PREX1: variants seen among roughly 807,000 people sequenced by gnomAD.
The protein encoded by PREX1 is phosphatidylinositol-3,4,5-trisphosphate dependent Rac exchange factor 1.
A neutral mutation model predicts 198.3 loss-of-function variants in PREX1; 41 were observed. That is an observed-to-expected ratio of 0.21 (90% CI 0.16 to 0.27). The LOEUF is 0.27. PREX1 is among the 10% of genes least tolerant of loss of function. The pLI is 1.00. For missense variants in PREX1, 1,620 were observed against 2,200.7 expected (o/e 0.74, Z 5.28); for synonymous variants, 843 against 887.2 (o/e 0.95, Z 0.89).
intron 1 of PREX1, among the ~76,000 whole-genome samples, chr20:48,796,454 G>A (rs1439361865): frequency 6.6e-6 from 1 of 152,132 alleles, no homozygotes; most frequent in African/African-American, 2.4e-5. Flanking sequence ...CCCCACTTGT[G>A]TAACAAAAGG....
intron 5 of PREX1, among the ~76,000 whole-genome samples, chr20:48,720,914 G>A (rs749269634): frequency 6.6e-6 from 1 of 152,060 alleles, no homozygotes; most frequent in Non-Finnish European, 1.5e-5. Flanking sequence ...AGACACCAGC[G>A]GCCGTGCACA....
At chr20:48,657,217 G>C (rs760774157) in intron 17 of PREX1, 29 bp from the exon 18 acceptor site, 14 of 1,609,882 alleles carry the variant, frequency 8.7e-6, no homozygotes, top group Non-Finnish European at 1.1e-5. Context: ...GGACAGACGT[G>C]CACACCAGTT....
intron 6 of PREX1, among the ~76,000 whole-genome samples, chr20:48,706,386 T>C (rs955691286): frequency 6.6e-6 from 1 of 152,176 alleles, no homozygotes; most frequent in African/African-American, 2.4e-5. Context: ...ATGTTGCTCT[T>C]TTCACCTTGG....
At chr20:48,637,789 G>A in intron 30 of PREX1, 37 bp from the exon 31 acceptor site, 1 of 1,585,440 alleles carries the variant, frequency 6.3e-7, no homozygotes, top group Non-Finnish European at 8.6e-7. Context: ...GGGACGGGCT[G>A]GGAGGGGGCA....
intron 4 of PREX1, among the ~76,000 whole-genome samples, chr20:48,734,034 G>A (rs2090046480): frequency 6.6e-6 from 1 of 152,180 alleles, no homozygotes; most frequent in Non-Finnish European, 1.5e-5. Context: ...TTACAGGCGT[G>A]AGTCCCCGCA....
upstream of PREX1, among the ~76,000 whole-genome samples, chr20:48,828,314 C>G (rs1184023938): frequency 6.6e-6 from 1 of 151,768 alleles, no homozygotes; most frequent in Non-Finnish European, 1.5e-5. Context: ...CGCCCGGACG[C>G]GTGGCGCCCC....
At chr20:48,635,576 A>G (rs773858964) in intron 32 of PREX1, among the ~76,000 whole-genome samples, 3 of 151,248 alleles carry the variant, frequency 2.0e-5, no homozygotes, top group Non-Finnish European at 4.4e-5. Context: ...TACCCCGCAC[A>G]CTCTTCCTCA....
the PREX1 span, among the ~76,000 whole-genome samples, chr20:48,837,825 G>C: frequency 6.6e-6 from 1 of 150,428 alleles, no homozygotes; most frequent in South Asian, 2.1e-4. Context: ...TAAAATAAAA[G>C]TTTAATGAGA....
At chr20:48,848,675 T>A in the PREX1 span, among the ~76,000 whole-genome samples, 7 of 152,166 alleles carry the variant, frequency 4.6e-5, no homozygotes. Context: ...CATCAGCAGT[T>A]TGGGATGCTG....
At chr20:48,729,436 A>G (rs1293721233) in intron 4 of PREX1, among the ~76,000 whole-genome samples, 1 of 151,862 alleles carries the variant, frequency 6.6e-6, no homozygotes, top group Non-Finnish European at 1.5e-5. Flanking sequence ...TTATCTCTCT[A>G]GCCCCTAAAC....
intron 1 of PREX1, among the ~76,000 whole-genome samples, chr20:48,800,560 T>C (rs2090381959): frequency 6.6e-6 from 1 of 152,092 alleles, no homozygotes; most frequent in South Asian, 2.1e-4. Context: ...GTGGGAGCTT[T>C]TGTTCCCTCT....
chr20:48,758,738 T>C lies in PREX1; in HGVS notation c.220-10858A>G, dbSNP rs573642743. On this transcript the variant is annotated intron_variant, in intron 1 of 39. Coordinates refer to ENST00000371941, the MANE Select transcript of PREX1 (RefSeq NM_020820.4). ...AAACAGCATTGCGTGTATCTGAGGA[T>C]ACAGCATCACGGGCAGGGTCAACAG... Among the ~76,000 whole-genome samples the C allele has an allele frequency of 4.0e-3, 602 of 152,176 alleles. 3 individuals carry two copies. Among genetic ancestry groups the C allele is most frequent in the Non-Finnish European group, 6.9e-3 (469 of 67,932 alleles).
the PREX1 span, among the ~76,000 whole-genome samples, chr20:48,878,511 T>C: frequency 6.6e-6 from 1 of 152,076 alleles, no homozygotes; most frequent in Admixed American, 6.5e-5. Context: ...AGTTAATTTT[T>C]TGTATTTTTA....
intron 1 of PREX1, among the ~76,000 whole-genome samples, chr20:48,757,034 C>T (rs2090158672): frequency 6.6e-6 from 1 of 152,100 alleles, no homozygotes. Context: ...GATTCAATTA[C>T]CTCCCACCAG....
intron 9 of PREX1, 127 bp from the exon 10 acceptor site, chr20:48,688,931 A>G (rs1370976088): frequency 1.2e-5 from 13 of 1,048,754 alleles, no homozygotes; most frequent in Non-Finnish European, 1.5e-5. Context: ...CCTGCCCTCC[A>G]CCACCACCAC....
chr20:48,744,155 A>T (rs6019396), intron 3 of PREX1, among the ~76,000 whole-genome samples: 2,621 of 152,222 alleles, frequency 0.017, 72 homozygotes, highest in African/African-American at 0.053. Flanking sequence ...GTTTGGTGGC[A>T]TCCCTGGCCT....
At chr20:48,658,353 G>A in intron 16 of PREX1, 125 bp from the exon 17 acceptor site, 2 of 924,066 alleles carry the variant, frequency 2.2e-6, no homozygotes. Flanking sequence ...AGATCCAGGT[G>A]GGCGAGACAG....
intron 1 of PREX1, among the ~76,000 whole-genome samples, chr20:48,814,558 T>C (rs542828257): frequency 1.3e-5 from 2 of 152,168 alleles, no homozygotes; most frequent in East Asian, 1.9e-4. Flanking sequence ...AGTGCAAGAA[T>C]AGAAAGAAAT....
intron 29 of PREX1, 62 bp downstream of exon 29, chr20:48,642,106 G>A (rs564518754): frequency 1.8e-5 from 27 of 1,535,718 alleles, no homozygotes; most frequent in Middle Eastern, 3.4e-4. Flanking sequence ...GCCCGGGTAC[G>A]CCGCCCTGTC....
Sources: gnomAD v4.1 joint callset for allele counts (sites outside exome capture counted in the v4.1 genomes callset) on GRCh38, gnomAD v4.1.1 for gene constraint, MANE v1.5 for transcripts, NCBI Gene and HGNC (gene_info 2026-07-23, HGNC 2026-07-21) for gene names.